USP48: variants seen among roughly 807,000 people sequenced by gnomAD.
USP48 encodes the protein ubiquitin specific peptidase 48, also known as ubiquitin carboxyl-terminal hydrolase 48.
Under a neutral mutation model 150.7 loss-of-function variants are expected in USP48, and 43 were observed. That is an observed-to-expected ratio of 0.29 (90% CI 0.22 to 0.37). USP48 has a LOEUF of 0.37. Among genes scored for constraint, USP48 ranks in the 10% least tolerant of loss-of-function variants. USP48 has a pLI of 1.00. For missense variants in USP48, 813 were observed against 1,249.6 expected (o/e 0.65, Z 5.27); for synonymous variants, 396 against 425.9 (o/e 0.93, Z 0.86).
In USP48 at chr1:21,706,802, T is replaced by C; in HGVS notation, c.2030A>G (p.Gln677Arg). 4 of 1,614,062 alleles carry C rather than the reference T, an allele frequency of 2.5e-6. No individual in the cohort carries two copies. Among genetic ancestry groups the C allele is most frequent in the Non-Finnish European group, 3.4e-6 (4 of 1,180,026 alleles). Reference protein sequence around the residue: ...VSKEAWSKLQQYFPKAPEFPS... With the variant: ...VSKEAWSKLQRYFPKAPEFPS... ...AAACTCAGGAGCCTTTGGAAAGTAC[T>C]GCTGCAGTTTGCTCCAAGCCTCTTT... The change falls in exon 16 of 27, where the codon CAG (glutamine) becomes CGG (arginine). Residue 677 changes from glutamine (Q) to arginine (R), a missense_variant. Gln to Arg is a conservative substitution (Grantham distance 43). Transcript: ENST00000308271.
At chr1:21,753,430 A>G (rs333200) in intron 3 of USP48, among the ~76,000 whole-genome samples, 149,521 of 152,022 alleles carry the variant, frequency 0.98, 73,568 homozygotes, top group Non-Finnish European at 1. Flanking sequence ...TGGTGCACAC[A>G]TGTAATCCCA....
At chr1:21,710,087 T>C (rs1219966947) in intron 15 of USP48, among the ~76,000 whole-genome samples, 3 of 152,190 alleles carry the variant, frequency 2.0e-5, no homozygotes, top group East Asian at 1.9e-4. Context: ...GTTGCTCTTT[T>C]CACTGGGACA....
Position 21,751,407 on chromosome 1 carries a change from A to G in USP48, c.774+100T>C, listed in dbSNP as rs1384006811. ...TGCTTCTTATGTAGAAAAAGCTGACACAATAAAAGCTCTAGCCACTAAATC... is the reference window on the plus strand; with the variant it reads ...TGCTTCTTATGTAGAAAAAGCTGACGCAATAAAAGCTCTAGCCACTAAATC... On this transcript the variant is annotated intron_variant, in intron 6 of 26. Coordinates refer to ENST00000308271, the MANE Select transcript of USP48 (RefSeq NM_032236.8). 4 of 867,924 alleles carry G rather than the reference A, an allele frequency of 4.6e-6. No individual in the cohort carries two copies. In the African/African-American group the frequency reaches 6.7e-5, roughly 15 times the overall value. 53.8% of individuals were successfully genotyped at this position (867,924 alleles called of 1,614,324 possible).
chr1:21,739,445 G>C (rs774976155), intron 8 of USP48, among the ~76,000 whole-genome samples: 1 of 149,768 alleles, frequency 6.7e-6, no homozygotes, highest in South Asian at 2.1e-4. Flanking sequence ...CTTGAACCCG[G>C]GAGGCGGAGG....
chr1:21,713,516 A>G (rs1386936045), intron 15 of USP48, among the ~76,000 whole-genome samples: 1 of 152,196 alleles, frequency 6.6e-6, no homozygotes, highest in East Asian at 1.9e-4. Flanking sequence ...AAATGACATG[A>G]TAAGAGGTGG....
In USP48 at chr1:21,736,492, T is replaced by C; in HGVS notation, c.1125A>G (p.Glu375=). 6.2e-7 allele frequency: 1 copy of C among 1,611,708 alleles called. No individual in the cohort carries two copies. The highest frequency in any genetic ancestry group is 8.5e-7 in the Non-Finnish European group (1 of 1,179,176). The change falls in exon 9 of 27, where the codon GAA becomes GAG. Residue 375 remains glutamate, a synonymous_variant. Coordinates refer to ENST00000308271, the MANE Select transcript of USP48 (RefSeq NM_032236.8). The part of the protein sequence containing the change: ...EWYKFNDEDI[E]KMEGKKLQLG... ...GTTGTAATTTCTTCCCCTCCATCTT[T>C]TCTATGTCTTCATCATTAAACTTAT...
At chr1:21,764,827 T>G (rs1041223775) in intron 1 of USP48, among the ~76,000 whole-genome samples, 1 of 152,030 alleles carries the variant, frequency 6.6e-6, no homozygotes, top group Non-Finnish European at 1.5e-5. Flanking sequence ...TAAAAAGTTC[T>G]AAACCTCTCA....
chr1:21,705,869 C>T (rs919697251), intron 18 of USP48, 32 bp from the exon 19 acceptor site: 2 of 1,486,620 alleles, frequency 1.3e-6, no homozygotes, highest in African/African-American at 1.4e-5. Flanking sequence ...GAGAAATATA[C>T]CTAATTACTG....
chr1:21,753,381 G>A (rs2097821976), intron 3 of USP48, among the ~76,000 whole-genome samples: 2 of 151,758 alleles, frequency 1.3e-5, no homozygotes, highest in African/African-American at 2.4e-5. Context: ...GAGAAACCCC[G>A]TCTCCACTAA....
At chr1:21,734,485 C>T (rs1179318555) in intron 9 of USP48, among the ~76,000 whole-genome samples, 2 of 152,164 alleles carry the variant, frequency 1.3e-5, no homozygotes, top group Admixed American at 1.3e-4. Context: ...AGTTAACAAA[C>T]GATTATCTGT....
chr1:21,685,440 T>C (rs1203143095), intron 25 of USP48, among the ~76,000 whole-genome samples: 2 of 151,504 alleles, frequency 1.3e-5, no homozygotes, highest in African/African-American at 4.8e-5. Flanking sequence ...TCAGCCTCCC[T>C]AGTAACTGGG....
At chr1:21,705,628 A>C in intron 19 of USP48, 99 bp downstream of exon 19, 1 of 906,458 alleles carries the variant, frequency 1.1e-6, no homozygotes, top group Non-Finnish European at 1.6e-6. Flanking sequence ...TAAATTCTTA[A>C]AACAGACTAT....
rs202138407 is a variant in USP48, at chr1:21,706,906, A to C, written c.1964-38T>G. On this transcript the variant is annotated intron_variant, in intron 15 of 26. Transcript: ENST00000308271. ...AAATATATTTGGAAAAAAAAAAAAC[A>C]GCTGAAAAAAAGTCATTATCTATTT... The C allele has an allele frequency of 9.8e-6, 15 of 1,535,464 alleles. No individual in the cohort carries two copies. In the East Asian group the frequency reaches 3.4e-4, roughly 35 times the overall value.
At chr1:21,730,114 A>G (rs2097753121) in intron 9 of USP48, among the ~76,000 whole-genome samples, 1 of 152,200 alleles carries the variant, frequency 6.6e-6, no homozygotes, top group African/African-American at 2.4e-5. Flanking sequence ...CACTATTGCC[A>G]TAAGCTGATT....
intron 1 of USP48, among the ~76,000 whole-genome samples, chr1:21,778,327 A>G (rs375208886): frequency 6.6e-6 from 1 of 152,320 alleles, no homozygotes; most frequent in African/African-American, 2.4e-5. Flanking sequence ...AAATCAAAAC[A>G]TAAGACACCA....
intron 22 of USP48, among the ~76,000 whole-genome samples, chr1:21,697,214 G>C (rs189215602): frequency 1.3e-5 from 2 of 152,068 alleles, no homozygotes; most frequent in Admixed American, 1.3e-4. Flanking sequence ...CCACTGGCGA[G>C]ACACTGCCTG....
Position 21,680,791 on chromosome 1 carries a change from T to C in USP48, c.3085+17A>G. Reference sequence around the variant, plus strand: ...GACTCTGACATTCATGAACAAAACATGACAAATGTAACTTACCTTTAAACC... The same window carrying C: ...GACTCTGACATTCATGAACAAAACACGACAAATGTAACTTACCTTTAAACC... On this transcript the variant is annotated intron_variant, in intron 26 of 26. Coordinates refer to ENST00000308271, the MANE Select transcript of USP48 (RefSeq NM_032236.8). 2 of 1,585,926 alleles carry C rather than the reference T, an allele frequency of 1.3e-6. No individual in the cohort carries two copies. Among genetic ancestry groups the C allele is most frequent in the Non-Finnish European group, 1.7e-6 (2 of 1,171,442 alleles).
intron 22 of USP48, 142 bp downstream of exon 22, chr1:21,701,356 A>G: frequency 1.9e-6 from 1 of 536,706 alleles, no homozygotes; most frequent in Non-Finnish European, 3.2e-6. Context: ...ACAGTGCGAG[A>G]CTCCATCTCA....
intron 15 of USP48, among the ~76,000 whole-genome samples, chr1:21,713,015 T>C (rs923754440): frequency 1.3e-5 from 2 of 152,144 alleles, no homozygotes; most frequent in Admixed American, 6.5e-5. Context: ...AAAATAACCC[T>C]TGTATACAAT....
Sources: allele counts gnomAD v4.1 joint callset (sites outside exome capture counted in the v4.1 genomes callset), GRCh38; gene constraint gnomAD v4.1.1; transcripts MANE v1.5; gene names NCBI Gene and HGNC (gene_info 2026-07-23, HGNC 2026-07-21).